The following PCSK5 variants were observed in gnomAD, a reference collection of about 807,000 sequenced individuals.
The protein encoded by PCSK5 is prohormone convertase 5.
Under a neutral mutation model 233.2 loss-of-function variants are expected in PCSK5, and 129 were observed. The ratio of observed to expected loss-of-function variants is 0.55; its 90% CI spans 0.48 to 0.64. The LOEUF is 0.64. Ranked by LOEUF, PCSK5 falls within the 30% of genes least tolerant of loss-of-function variation. The pLI is 0.00. For synonymous variants in PCSK5, 825 were observed against 879.2 expected (o/e 0.94, Z 1.09); for missense variants, 2,076 against 2,430.1 (o/e 0.85, Z 3.06).
chr9:76,095,797 C>T (rs368854840), intron 7 of PCSK5, 93 bp from the exon 8 acceptor site: 15 of 1,075,658 alleles, frequency 1.4e-5, no homozygotes, highest in Non-Finnish European at 2.1e-5. Context: ...CAACACACCC[C>T]ACCTGCACCT....
intron 1 of PCSK5, among the ~76,000 whole-genome samples, chr9:75,897,433 C>T (rs1188515065): frequency 2.0e-5 from 3 of 151,278 alleles, no homozygotes; most frequent in African/African-American, 4.9e-5. Context: ...TCCTGTTGGA[C>T]AGCCCTTGTT....
Position 76,240,692 on chromosome 9 carries a change from C to T in PCSK5, c.3142+8C>T. On this transcript the variant is annotated splice_region_variant and intron_variant, in intron 24 of 37. Coordinates refer to ENST00000674117, the MANE Select transcript of PCSK5 (RefSeq NM_001372043.1). The stretch of plus-strand genomic sequence containing the variant: ...GTCTGGGATGCAGCTTGGGTATGTC[C>T]TCTTCCTTTGTCACCTAAAGAGTTG... 1 of 1,565,956 alleles carries T rather than the reference C, an allele frequency of 6.4e-7. No individual in the cohort carries two copies. Among genetic ancestry groups the T allele is most frequent in the Non-Finnish European group, 8.7e-7 (1 of 1,149,994 alleles).
intron 2 of PCSK5, among the ~76,000 whole-genome samples, chr9:75,953,515 G>A (rs1824957693): frequency 6.6e-6 from 1 of 152,060 alleles, no homozygotes; most frequent in Non-Finnish European, 1.5e-5. Context: ...CCAGGAATCT[G>A]GTACCAAATG....
At chr9:76,021,976 G>A (rs752701157) in intron 3 of PCSK5, among the ~76,000 whole-genome samples, 32 of 152,076 alleles carry the variant, frequency 2.1e-4, no homozygotes, top group Non-Finnish European at 4.1e-4. Context: ...ACTCTTTCCT[G>A]CCTTACCATC....
intron 24 of PCSK5, among the ~76,000 whole-genome samples, chr9:76,246,046 G>A (rs1013185391): frequency 3.3e-5 from 5 of 151,996 alleles, no homozygotes; most frequent in East Asian, 1.9e-4. Context: ...AATTAAAACT[G>A]TGAGAGGCCT....
Position 75,928,599 on chromosome 9 carries a change from A to ATATATATATGTATATATATGTATG in PCSK5, c.193-3771_193-3770insGTATATATATGTATGTATATATAT, listed in dbSNP as rs1355590920. Among the ~76,000 whole-genome samples the ATATATATATGTATATATATGTATG allele has an allele frequency of 5.8e-5, 3 of 51,490 alleles. 1 individual carries two copies. Among genetic ancestry groups the ATATATATATGTATATATATGTATG allele is most frequent in the African/African-American group, 2.5e-4 (3 of 11,964 alleles). 33.8% of individuals were successfully genotyped at this position (51,490 alleles called of 152,430 possible). On this transcript the variant is annotated intron_variant, in intron 1 of 37. Coordinates refer to ENST00000674117, the MANE Select transcript of PCSK5 (RefSeq NM_001372043.1). ...AACATGCTTTTACATATAAATACAT[A>ATATATATATGTATATATATGTATG]TATATATATATATATATATATATAT...
At chr9:76,159,816 C>CTTTTTTTT (rs386415165) in intron 12 of PCSK5, among the ~76,000 whole-genome samples, 6 of 97,586 alleles carry the variant, frequency 6.1e-5, no homozygotes, top group Non-Finnish European at 5.9e-5. Flanking sequence ...CTCTTCAGTC[C>CTTTTTTTT]TTTTTTTTTT....
Position 75,921,654 on chromosome 9 carries a change from TGTAA to T in PCSK5, c.193-10722_193-10719del, listed in dbSNP as rs1358354184. On this transcript the variant is annotated intron_variant, in intron 1 of 37. Transcript: ENST00000674117. ...AGCTTAAATATTAAACAATAATCTC[TGTAA>T]GTCTCTCCAGAAATTACTTACAGAT... is the stretch of plus-strand genomic sequence containing the variant. Among the ~76,000 whole-genome samples the T allele has an allele frequency of 3.3e-5, 5 of 152,226 alleles. No homozygotes were observed. The South Asian group carries it at 1.0e-3, about 32-fold the overall frequency.
chr9:76,345,525 TCTC>T (rs1272112057), intron 35 of PCSK5, among the ~76,000 whole-genome samples: 1 of 152,116 alleles, frequency 6.6e-6, no homozygotes, highest in Admixed American at 6.6e-5. Flanking sequence ...TTCACGCTAT[TCTC>T]CTGACTCAGC....
chr9:76,271,121 C>T (rs1430667342), intron 24 of PCSK5, among the ~76,000 whole-genome samples: 5 of 152,130 alleles, frequency 3.3e-5, no homozygotes, highest in Admixed American at 2.0e-4. Flanking sequence ...ATCATTCCTC[C>T]CCCTTTCCTT....
At chr9:75,914,253 G>A (rs1416990345) in intron 1 of PCSK5, among the ~76,000 whole-genome samples, 1 of 152,150 alleles carries the variant, frequency 6.6e-6, no homozygotes, top group African/African-American at 2.4e-5. Flanking sequence ...GTATGACGAA[G>A]TTCCATAAAA....
intron 2 of PCSK5, among the ~76,000 whole-genome samples, chr9:75,966,930 G>A (rs562655980): frequency 8.3e-4 from 126 of 152,106 alleles, no homozygotes; most frequent in African/African-American, 3.0e-3. Flanking sequence ...TAACATAAAG[G>A]AGAACTAGTT....
At chr9:75,907,306 C>G (rs1826302196) in intron 1 of PCSK5, among the ~76,000 whole-genome samples, 2 of 151,824 alleles carry the variant, frequency 1.3e-5, no homozygotes, top group Non-Finnish European at 2.9e-5. Context: ...ATTTTGCAGA[C>G]ATGGAACGTA....
At chr9:76,313,374 A>C (rs13286022) in intron 30 of PCSK5, among the ~76,000 whole-genome samples, 1 of 152,144 alleles carries the variant, frequency 6.6e-6, no homozygotes, top group Non-Finnish European at 1.5e-5. Flanking sequence ...ACCACAATCA[A>C]TTTCAGAACA....
chr9:76,250,035 G>A (rs1220175115), intron 24 of PCSK5, among the ~76,000 whole-genome samples: 2 of 152,144 alleles, frequency 1.3e-5, no homozygotes, highest in East Asian at 1.9e-4. Flanking sequence ...GGCCAGGCAC[G>A]GTGGCTCACA....
chr9:76,132,772 T>G (rs1822811432), intron 9 of PCSK5, among the ~76,000 whole-genome samples: 1 of 152,056 alleles, frequency 6.6e-6, no homozygotes, highest in Admixed American at 6.6e-5. Flanking sequence ...CTAGCATCCA[T>G]GTTCTAAGTA....
intron 7 of PCSK5, among the ~76,000 whole-genome samples, chr9:76,081,958 TTGAG>T (rs1173737144): frequency 2.8e-4 from 42 of 152,212 alleles, no homozygotes; most frequent in Admixed American, 1.0e-3. Context: ...ACTTCCCAGC[TTGAG>T]CTTCATCTTT....
chr9:75,954,164 G>A (rs932112826), intron 2 of PCSK5, among the ~76,000 whole-genome samples: 5 of 152,152 alleles, frequency 3.3e-5, no homozygotes, highest in African/African-American at 4.8e-5. Context: ...TGGACATTTC[G>A]TTTGTAGAAA....
At chr9:76,292,525 A>G (rs1828310323) in intron 25 of PCSK5, among the ~76,000 whole-genome samples, 1 of 152,214 alleles carries the variant, frequency 6.6e-6, no homozygotes, top group East Asian at 1.9e-4. Context: ...GAATCCTGCC[A>G]TGGGTTACCA....
Sources: allele counts gnomAD v4.1 joint callset (sites outside exome capture counted in the v4.1 genomes callset), GRCh38; gene constraint gnomAD v4.1.1; transcripts MANE v1.5; gene names NCBI Gene and HGNC (gene_info 2026-07-23, HGNC 2026-07-21).